Variants in SPMIP8 observed in about 807,000 individuals in gnomAD.
SPMIP8 encodes testicular tissue protein Li 196.
At chr16:57,986,149 C>T in the SPMIP8 span, 570 of 504,358 alleles carry the variant, frequency 1.1e-3, 7 homozygotes, top group African/African-American at 0.01. Flanking sequence ...GGGGTGGACG[C>T]GGGAGGGGGT....
chr16:57,976,708 T>C, the SPMIP8 span: 1 of 1,572,166 alleles, frequency 6.4e-7, no homozygotes, highest in Non-Finnish European at 8.6e-7. Flanking sequence ...CCCCAGGCAG[T>C]CACATCCCCT....
the SPMIP8 span, chr16:57,985,667 C>A: frequency 2.2e-6 from 3 of 1,372,186 alleles, no homozygotes; most frequent in Non-Finnish European, 9.8e-7. Flanking sequence ...AAATTGGCTC[C>A]AATACACCAG....
the SPMIP8 span, chr16:57,976,659 G>T: frequency 1.2e-6 from 2 of 1,611,344 alleles, no homozygotes; most frequent in South Asian, 2.2e-5. Flanking sequence ...GGGAGCCCTT[G>T]CTCTCTTCCC....
the SPMIP8 span, chr16:57,985,057 G>A: frequency 8.9e-7 from 1 of 1,120,706 alleles, no homozygotes; most frequent in Non-Finnish European, 1.2e-6. Context: ...GCCCTGGTGG[G>A]GCAGCGGAGG....
the SPMIP8 span, among the ~76,000 whole-genome samples, chr16:57,984,002 C>G: frequency 2.0e-5 from 3 of 152,124 alleles, no homozygotes; most frequent in Admixed American, 6.5e-5. Context: ...CTCCTGGACT[C>G]AAGTGATCCT....
chr16:57,977,336 G>A, the SPMIP8 span, among the ~76,000 whole-genome samples: 1 of 141,686 alleles, frequency 7.1e-6, no homozygotes, highest in East Asian at 2.1e-4. Flanking sequence ...CTTGAACCCA[G>A]GAGACAGAGG....
At chr16:57,982,658 G>A in the SPMIP8 span, among the ~76,000 whole-genome samples, 1 of 152,206 alleles carries the variant, frequency 6.6e-6, no homozygotes, top group Non-Finnish European at 1.5e-5. Flanking sequence ...GTGATGCTAA[G>A]TTTGATTATT....
At chr16:57,982,984 C>T in the SPMIP8 span, among the ~76,000 whole-genome samples, 10 of 152,050 alleles carry the variant, frequency 6.6e-5, no homozygotes, top group Admixed American at 3.3e-4. Context: ...GAGCCGAGAC[C>T]GCGCCACTGT....
At chr16:57,981,953 A>AG in the SPMIP8 span, among the ~76,000 whole-genome samples, 11 of 152,290 alleles carry the variant, frequency 7.2e-5, no homozygotes, top group Middle Eastern at 3.4e-3. Flanking sequence ...CTTAGCCAAG[A>AG]GGGGGGTCCG....
the SPMIP8 span, chr16:57,977,896 T>C: frequency 2.5e-6 from 4 of 1,614,028 alleles, no homozygotes; most frequent in African/African-American, 1.3e-5. Context: ...CTGCTTCCCA[T>C]GGAGCGGCAG....
At chr16:57,985,285 C>T in the SPMIP8 span, 5 of 1,557,766 alleles carry the variant, frequency 3.2e-6, no homozygotes, top group African/African-American at 5.5e-5. Flanking sequence ...GCGCTGCGCG[C>T]AGACCCGTCC....
the SPMIP8 span, chr16:57,984,445 C>A: frequency 1.1e-5 from 17 of 1,572,514 alleles, no homozygotes; most frequent in East Asian, 3.6e-4. Context: ...CTACACCCCG[C>A]GCACCTTCTC....
At chr16:57,977,407 C>CAAAAAAAAAAAAAAAAAAAAAAAAAAAAA in the SPMIP8 span, among the ~76,000 whole-genome samples, 2 of 99,828 alleles carry the variant, frequency 2.0e-5, no homozygotes, top group Admixed American at 1.2e-4. Flanking sequence ...GAGACTGTCT[C>CAAAAAAAAAAAAAAAAAAAAAAAAAAAAA]AAAAAAAAAA....
chr16:57,985,032 C>A, the SPMIP8 span: 1 of 1,054,566 alleles, frequency 9.5e-7, no homozygotes, highest in Non-Finnish European at 1.3e-6. Flanking sequence ...GCGGAGCCTT[C>A]GGGCCGGGGG....
chr16:57,977,695 G>C, the SPMIP8 span: 1 of 1,097,446 alleles, frequency 9.1e-7, no homozygotes, highest in Non-Finnish European at 1.3e-6. Context: ...GCACACAGTA[G>C]GTGCTAAATA....
chr16:57,985,962 C>T, the SPMIP8 span: 4 of 1,597,864 alleles, frequency 2.5e-6, no homozygotes, highest in Non-Finnish European at 3.4e-6. Flanking sequence ...GGTCCTGTCC[C>T]GCCCCACAGC....
At chr16:57,984,882 C>A in the SPMIP8 span, 3 of 1,480,776 alleles carry the variant, frequency 2.0e-6, no homozygotes, top group African/African-American at 2.8e-5. Flanking sequence ...ACGTGGACTG[C>A]GGACGGGAAC....
At chr16:57,985,172 G>A in the SPMIP8 span, 4 of 1,478,972 alleles carry the variant, frequency 2.7e-6, no homozygotes, top group East Asian at 2.4e-5. Context: ...GGGGGGGGGC[G>A]GATGAGCGCT....
At chr16:57,981,613 G>A in the SPMIP8 span, among the ~76,000 whole-genome samples, 67 of 140,412 alleles carry the variant, frequency 4.8e-4, 1 homozygote, top group Non-Finnish European at 5.0e-4. Context: ...CCCGGTTCAA[G>A]TGATTCTCCT....
Sources: gnomAD v4.1 joint callset for allele counts (sites outside exome capture counted in the v4.1 genomes callset) on GRCh38, gnomAD v4.1.1 for gene constraint, MANE v1.5 for transcripts, NCBI Gene and HGNC (gene_info 2026-07-23, HGNC 2026-07-21) for gene names.